The following DRD3 variants were observed in gnomAD, a reference collection of about 807,000 sequenced individuals.
DRD3 encodes dopamine receptor D3.
Under a neutral mutation model 36.3 loss-of-function variants are expected in DRD3, and 19 were observed. The observed-to-expected ratio is 0.52, with a 90% CI of 0.36 to 0.77. The LOEUF (loss-of-function observed/expected upper bound fraction) is 0.77, where lower values mean the gene tolerates loss of function less well. Ranked by LOEUF, DRD3 falls within the 30% of genes least tolerant of loss-of-function variation. The probability of loss-of-function intolerance (pLI) is 0.00; values close to 1 mark genes in which losing one functional copy is unlikely to be tolerated. For missense variants in DRD3, 465 were observed against 505.3 expected, an observed-to-expected ratio of 0.92 and a Z score of 0.77; for synonymous variants, 195 against 203.7, an observed-to-expected ratio of 0.96 and a Z score of 0.36.
At chr3:114,181,057 G>A (rs1473701846), upstream of DRD3, among the ~76,000 whole-genome samples, 2 of 152,188 alleles carry the variant, frequency 1.3e-5, no homozygotes, top group Non-Finnish European at 2.9e-5. Context: ...CGTGAATGTA[G>A]TAGGAAGAAC....
At chr3:114,140,876 G>A (rs2077517958) in intron 4 of DRD3, among the ~76,000 whole-genome samples, 1 of 152,182 alleles carries the variant, frequency 6.6e-6, no homozygotes, top group African/African-American at 2.4e-5. Flanking sequence ...CTCAGGTGTG[G>A]GCTGGTGGGG....
At chr3:114,170,385 G>C (rs959829989) in intron 2 of DRD3, among the ~76,000 whole-genome samples, 1 of 152,210 alleles carries the variant, frequency 6.6e-6, no homozygotes, top group Non-Finnish European at 1.5e-5. Context: ...TACAGGAGAT[G>C]AAGAGTAAAG....
chr3:114,149,310 C>T (rs891868841), intron 3 of DRD3, among the ~76,000 whole-genome samples: 4 of 152,152 alleles, frequency 2.6e-5, no homozygotes, highest in Non-Finnish European at 5.9e-5. Flanking sequence ...TGAGGTCAGA[C>T]GGGGGAGGAA....
In DRD3 at chr3:114,127,660, G is replaced by A. The variant is rs778119576; in HGVS notation, c.*1056C>T. On this transcript the variant is annotated 3_prime_UTR_variant, in exon 7 of 7. Coordinates refer to ENST00000383673, the MANE Select transcript of DRD3 (RefSeq NM_000796.6). ...CACAATTGTATACTTTTACACGACT[G>A]GCAGCATCATTTTGTTTATACCAGC... 5.3e-5 allele frequency among the ~76,000 whole-genome samples: 8 copies of A among 152,178 alleles called. No homozygotes were observed. Among genetic ancestry groups the A allele is most frequent in the Non-Finnish European group, 8.8e-5 (6 of 68,034 alleles).
chr3:114,145,869 T>C (rs1349082118), intron 4 of DRD3, among the ~76,000 whole-genome samples: 1 of 152,182 alleles, frequency 6.6e-6, no homozygotes, highest in East Asian at 1.9e-4. Flanking sequence ...TTGTAGGGGG[T>C]CATATATAAA....
intron 3 of DRD3, among the ~76,000 whole-genome samples, chr3:114,147,768 C>T (rs546247763): frequency 5.3e-5 from 8 of 152,160 alleles, no homozygotes; most frequent in Admixed American, 1.3e-4. Context: ...ATGCCTGTGC[C>T]GCCACCACGC....
upstream of DRD3, among the ~76,000 whole-genome samples, chr3:114,182,150 T>A (rs1489867831): frequency 6.6e-6 from 1 of 152,216 alleles, no homozygotes; most frequent in African/African-American, 2.4e-5. Context: ...AAATGAAAGT[T>A]GGCAAATGCA....
At chr3:114,198,074 A>C (rs1054833289) in intron 1 of DRD3, among the ~76,000 whole-genome samples, 5 of 152,196 alleles carry the variant, frequency 3.3e-5, no homozygotes, top group Admixed American at 3.3e-4. Flanking sequence ...ACACATAAAC[A>C]AAAGTAAATC....
chr3:114,179,722 G>T (rs2077935550), upstream of DRD3, among the ~76,000 whole-genome samples: 1 of 151,480 alleles, frequency 6.6e-6, no homozygotes, highest in Admixed American at 6.6e-5. Flanking sequence ...GTAATTCTTC[G>T]GCTGTTTTCT....
chr3:114,163,715 G>A (rs1166319210), intron 2 of DRD3, among the ~76,000 whole-genome samples: 1 of 152,140 alleles, frequency 6.6e-6, no homozygotes, highest in African/African-American at 2.4e-5. Context: ...TTGGGCGGGT[G>A]TATTGAAACA....
chr3:114,176,932 T>TA (rs1042876893), intron 1 of DRD3, among the ~76,000 whole-genome samples: 3 of 152,164 alleles, frequency 2.0e-5, no homozygotes, highest in African/African-American at 7.2e-5. Flanking sequence ...GTTTTCTAGA[T>TA]AAAAAAGGTG....
chr3:114,163,200 T>C (rs2077749706), intron 2 of DRD3, among the ~76,000 whole-genome samples: 1 of 152,122 alleles, frequency 6.6e-6, no homozygotes, highest in Admixed American at 6.6e-5. Flanking sequence ...CCCACTAAGG[T>C]GCCATCACTT....
intron 4 of DRD3, among the ~76,000 whole-genome samples, chr3:114,144,846 A>C (rs555287505): frequency 6.6e-6 from 1 of 152,322 alleles, no homozygotes. Flanking sequence ...GAGAGCGCAC[A>C]TACTAAGTCA....
chr3:114,165,252 A>T (rs959197554), intron 2 of DRD3, among the ~76,000 whole-genome samples: 9 of 152,156 alleles, frequency 5.9e-5, no homozygotes, highest in Non-Finnish European at 1.3e-4. Context: ...GTCCGCAACA[A>T]TCATAATGTG....
chr3:114,173,196 A>G (rs577571467), intron 1 of DRD3, among the ~76,000 whole-genome samples: 1 of 152,214 alleles, frequency 6.6e-6, no homozygotes, highest in African/African-American at 2.4e-5. Context: ...CTCACCAGAC[A>G]CTGAATCTTC....
intron 5 of DRD3, among the ~76,000 whole-genome samples, chr3:114,131,610 A>G (rs768638848): frequency 4.6e-5 from 7 of 152,248 alleles, no homozygotes; most frequent in Non-Finnish European, 8.8e-5. Flanking sequence ...AGCACCCACC[A>G]TATCATCAGA....
At chr3:114,132,978 A>T (rs112653508) in intron 5 of DRD3, among the ~76,000 whole-genome samples, 1 of 149,860 alleles carries the variant, frequency 6.7e-6, no homozygotes, top group Non-Finnish European at 1.5e-5. Flanking sequence ...TATGTGTCTT[A>T]TAAAACAGTC....
rs57856632 is a variant in DRD3, at chr3:114,132,539, G to A, written c.724-1139C>T. 4.9e-3 allele frequency among the ~76,000 whole-genome samples: 726 copies of A among 149,572 alleles called. 8 individuals are homozygous for A. The highest frequency in any genetic ancestry group is 0.017 in the African/African-American group (693 of 40,410). On this transcript the variant is annotated intron_variant, in intron 5 of 6. Transcript: ENST00000383673. ...GTATACCTATGTAACAAACCTGCAC[G>A]TTCAGCACACGTACCCCAGAACTTA...
rs575104410 is a variant in DRD3, at chr3:114,131,924, G to A, written c.724-524C>T. Among the ~76,000 whole-genome samples the A allele has an allele frequency of 5.9e-5, 9 of 152,322 alleles. No homozygotes were observed. The South Asian group carries it at 1.9e-3, about 32-fold the overall frequency. ...AGTCTGGAAAACAACAGATGTTGGT[G>A]AGGATGAGAATAGGCACGCTTTTAC... On this transcript the variant is annotated intron_variant, in intron 5 of 6. Coordinates refer to ENST00000383673, the MANE Select transcript of DRD3 (RefSeq NM_000796.6).
Sources: allele counts gnomAD v4.1 joint callset (sites outside exome capture counted in the v4.1 genomes callset), GRCh38; gene constraint gnomAD v4.1.1; transcripts MANE v1.5; gene names NCBI Gene and HGNC (gene_info 2026-07-23, HGNC 2026-07-21).